The following ELAPOR2 variants were observed in gnomAD, a reference collection of about 807,000 sequenced individuals.
ELAPOR2 encodes endosome-lysosome associated apoptosis and autophagy regulator family member 2.
Under a neutral mutation model 120.7 loss-of-function variants are expected in ELAPOR2, and 89 were observed. The observed-to-expected ratio is 0.74, with a 90% confidence interval of 0.62 to 0.88. The LOEUF (loss-of-function observed/expected upper bound fraction) is 0.88, where lower values mean the gene tolerates loss of function less well. Among genes scored for constraint, ELAPOR2 ranks in the 40% least tolerant of loss-of-function variants. The pLI is 0.00. For synonymous variants in ELAPOR2, 444 were observed against 444.9 expected (o/e 1.00, Z 0.03); for missense variants, 1,134 against 1,251.6 (o/e 0.91, Z 1.42).
chr7:86,950,169 G>A (rs949062646), intron 2 of ELAPOR2, among the ~76,000 whole-genome samples: 2 of 152,198 alleles, frequency 1.3e-5, no homozygotes, highest in African/African-American at 2.4e-5. Context: ...TGCTTATGAA[G>A]AGGAGCTAGT....
intron 2 of ELAPOR2, among the ~76,000 whole-genome samples, chr7:86,953,184 A>ATAATATTC (rs1791338500): frequency 7.7e-6 from 1 of 129,756 alleles, no homozygotes; most frequent in African/African-American, 3.7e-5. Flanking sequence ...CCAGTGGATT[A>ATAATATTC]CATCCTTCAG....
intron 8 of ELAPOR2, among the ~76,000 whole-genome samples, chr7:86,931,469 AT>A (rs754464113): frequency 5.9e-5 from 9 of 151,946 alleles, no homozygotes; most frequent in East Asian, 3.9e-4. Context: ...CCTGAAAAAA[AT>A]ATTTCAATCA....
intron 1 of ELAPOR2, among the ~76,000 whole-genome samples, chr7:87,027,892 G>C (rs543790284): frequency 4.0e-5 from 6 of 151,868 alleles, no homozygotes; most frequent in African/African-American, 1.4e-4. Context: ...TAGAAAGAGG[G>C]GGGAAAAGTC....
chr7:86,886,047 T>A (rs1799673438), intron 21 of ELAPOR2, among the ~76,000 whole-genome samples: 2 of 152,046 alleles, frequency 1.3e-5, no homozygotes, highest in Admixed American at 1.3e-4. Context: ...ATAAATTAGG[T>A]CCTTTTGGTG....
chr7:86,939,914 T>C (rs930434775), intron 6 of ELAPOR2, 96 bp downstream of exon 6: 1 of 660,346 alleles, frequency 1.5e-6, no homozygotes, highest in Non-Finnish European at 2.5e-6. Context: ...TTCTGTTCTA[T>C]AAATCTTTGA....
intron 2 of ELAPOR2, among the ~76,000 whole-genome samples, chr7:86,950,941 C>T (rs914819527): frequency 2.0e-5 from 3 of 152,192 alleles, no homozygotes; most frequent in African/African-American, 4.8e-5. Flanking sequence ...GCTATTATCA[C>T]TACCAGCACA....
At chr7:86,921,281 G>A (rs1789817100) in intron 10 of ELAPOR2, among the ~76,000 whole-genome samples, 1 of 152,118 alleles carries the variant, frequency 6.6e-6, no homozygotes, top group South Asian at 2.1e-4. Context: ...TTAAGATGAG[G>A]TTATAAGGAT....
intron 16 of ELAPOR2, among the ~76,000 whole-genome samples, chr7:86,908,821 A>G (rs1057250789): frequency 6.6e-6 from 1 of 152,098 alleles, no homozygotes; most frequent in Non-Finnish European, 1.5e-5. Flanking sequence ...GTAATTCGAT[A>G]ATCTACGAAG....
Position 86,965,951 on chromosome 7 carries a change from G to A in ELAPOR2, c.190-927C>T, listed in dbSNP as rs539631467. 5.1e-6 allele frequency: 5 copies of A among 985,328 alleles called. No individual in the cohort carries two copies. In the East Asian group the frequency reaches 5.7e-4, roughly 112 times the overall value. 61.0% of individuals were successfully genotyped at this position (985,328 alleles called of 1,614,324 possible). A position where few individuals can be genotyped will look rare whatever the true frequency, so the allele number is the denominator to read the frequency against. On this transcript the variant is annotated intron_variant, in intron 1 of 21. Coordinates refer to ENST00000450689, the MANE Select transcript of ELAPOR2 (RefSeq NM_001142749.3). ...GGACATCAGGAATGAGAAGGCCATT[G>A]TCTTTGACCTTCTCTGCATAGCACA...
chr7:87,011,447 A>G (rs1024529918), intron 1 of ELAPOR2, among the ~76,000 whole-genome samples: 3 of 152,186 alleles, frequency 2.0e-5, no homozygotes, highest in Non-Finnish European at 4.4e-5. Context: ...CTCTGGTAAT[A>G]TTCGGTTCTT....
At chr7:87,032,485 A>G (rs1474823828) in intron 1 of ELAPOR2, among the ~76,000 whole-genome samples, 1 of 152,194 alleles carries the variant, frequency 6.6e-6, no homozygotes, top group Non-Finnish European at 1.5e-5. Flanking sequence ...TCTTTGGAAT[A>G]TAGTTTTCCA....
chr7:86,891,567 T>A, intron 21 of ELAPOR2, 157 bp downstream of exon 21: 1 of 558,876 alleles, frequency 1.8e-6, no homozygotes, highest in Non-Finnish European at 3.1e-6. Context: ...AATATTATTG[T>A]ATCTATATCA....
intron 1 of ELAPOR2, among the ~76,000 whole-genome samples, chr7:87,037,689 T>C (rs1297740729): frequency 2.0e-5 from 3 of 152,234 alleles, no homozygotes; most frequent in African/African-American, 7.2e-5. Context: ...TAGCGCTTCA[T>C]AGCTTGCCTC....
intron 8 of ELAPOR2, among the ~76,000 whole-genome samples, chr7:86,931,358 G>T (rs987353181): frequency 1.3e-5 from 2 of 151,884 alleles, no homozygotes; most frequent in Non-Finnish European, 2.9e-5. Context: ...AACACAAAAT[G>T]CCATGAGTGC....
intron 9 of ELAPOR2, among the ~76,000 whole-genome samples, chr7:86,926,445 T>C (rs1257630697): frequency 1.3e-5 from 2 of 151,948 alleles, no homozygotes; most frequent in Non-Finnish European, 2.9e-5. Context: ...ACAACTTGGA[T>C]AAATCACACT....
intron 8 of ELAPOR2, among the ~76,000 whole-genome samples, chr7:86,929,369 C>G (rs1439384385): frequency 6.6e-6 from 1 of 151,862 alleles, no homozygotes; most frequent in East Asian, 1.9e-4. Flanking sequence ...ACCAACTGAC[C>G]CTAACCTAAC....
At chr7:86,965,098 C>T (rs1791857009) in intron 1 of ELAPOR2, 74 bp from the exon 2 acceptor site, 1 of 1,488,962 alleles carries the variant, frequency 6.7e-7, no homozygotes, top group Admixed American at 2.0e-5. Context: ...TCTATCACCC[C>T]AAGCCCCTGT....
intron 1 of ELAPOR2, among the ~76,000 whole-genome samples, chr7:87,048,743 T>G (rs1795020475): frequency 6.6e-6 from 1 of 152,328 alleles, no homozygotes; most frequent in African/African-American, 2.4e-5. Flanking sequence ...GTGTACCACA[T>G]ATATATCTAC....
intron 1 of ELAPOR2, among the ~76,000 whole-genome samples, chr7:87,035,776 T>A (rs10271876): frequency 1.3e-5 from 2 of 152,056 alleles, no homozygotes; most frequent in African/African-American, 4.8e-5. Context: ...AGTAAAATTT[T>A]CCCATTCTAT....
Sources: allele counts gnomAD v4.1 joint callset (sites outside exome capture counted in the v4.1 genomes callset), GRCh38; gene constraint gnomAD v4.1.1; transcripts MANE v1.5; gene names NCBI Gene and HGNC (gene_info 2026-07-23, HGNC 2026-07-21).